SMYD3: variants seen among roughly 807,000 people sequenced by gnomAD.
SMYD3 encodes the protein SET and MYND domain containing 3.
A neutral mutation model predicts 57.7 loss-of-function variants in SMYD3; 36 were observed. The observed-to-expected ratio is 0.62, with a 90% CI of 0.48 to 0.82. The LOEUF (loss-of-function observed/expected upper bound fraction) is 0.82. SMYD3 is among the 40% of genes least tolerant of loss of function. The probability of loss-of-function intolerance (pLI) is 0.00; values close to 1 mark genes in which losing one functional copy is unlikely to be tolerated. For synonymous variants in SMYD3, 211 were observed against 195.0 expected, an observed-to-expected ratio of 1.08 and a Z score of -0.68; for missense variants, 515 against 538.8, an observed-to-expected ratio of 0.96 and a Z score of 0.44.
At chr1:246,134,803 C>A (rs1022116222) in intron 5 of SMYD3, among the ~76,000 whole-genome samples, 1 of 107,882 alleles carries the variant, frequency 9.3e-6, no homozygotes, top group East Asian at 1.9e-4. Flanking sequence ...TTTCTTCCCC[C>A]CCCTGCCGCT....
intron 1 of SMYD3, among the ~76,000 whole-genome samples, chr1:246,450,680 C>T (rs1004185528): frequency 7.2e-5 from 11 of 152,186 alleles, no homozygotes; most frequent in African/African-American, 2.4e-4. Context: ...GAATCCTCCA[C>T]GCTGGCACAA....
At chr1:246,056,062 C>T (rs902703569) in intron 5 of SMYD3, among the ~76,000 whole-genome samples, 6 of 152,014 alleles carry the variant, frequency 3.9e-5, no homozygotes, top group African/African-American at 9.7e-5. Context: ...AAAAAAGTGG[C>T]ACAGAAATAT....
intron 5 of SMYD3, among the ~76,000 whole-genome samples, chr1:245,973,591 C>T (rs535743519): frequency 1.2e-4 from 18 of 152,300 alleles, no homozygotes; most frequent in African/African-American, 3.8e-4. Flanking sequence ...TGAGGCTGCA[C>T]GAGAGAGCAA....
chr1:245,915,516 T>C lies in SMYD3; in HGVS notation c.813+14A>G. On this transcript the variant is annotated intron_variant, in intron 8 of 11. Coordinates refer to ENST00000490107, the MANE Select transcript of SMYD3 (RefSeq NM_001167740.2). ...TGCCGTGGAGGTGTTTCAATCTGGT[T>C]CCATACTACATACCTTGTCCTGGGT... 1 of 1,571,382 alleles carries C rather than the reference T, an allele frequency of 6.4e-7. No individual in the cohort carries two copies. The highest frequency in any genetic ancestry group is 8.8e-7 in the Non-Finnish European group (1 of 1,142,436).
At chr1:246,327,026 T>C (rs1449506689) in intron 5 of SMYD3, 175 bp downstream of exon 5, 1 of 702,826 alleles carries the variant, frequency 1.4e-6, no homozygotes, top group Non-Finnish European at 2.4e-6. Context: ...TTCATACCCT[T>C]CTCAATGCAC....
chr1:246,234,011 G>C (rs1465814183), intron 5 of SMYD3, among the ~76,000 whole-genome samples: 1 of 141,132 alleles, frequency 7.1e-6, no homozygotes, highest in Non-Finnish European at 1.5e-5. Flanking sequence ...ATACCACACA[G>C]AGGAGAAGCA....
intron 1 of SMYD3, among the ~76,000 whole-genome samples, chr1:246,470,656 T>C (rs1054842575): frequency 1.3e-5 from 2 of 151,310 alleles, no homozygotes; most frequent in Admixed American, 1.3e-4. Context: ...TATGTGTATA[T>C]ATACAGTGCA....
intron 10 of SMYD3, among the ~76,000 whole-genome samples, chr1:245,795,381 T>C (rs775291476): frequency 2.0e-5 from 3 of 152,280 alleles, no homozygotes; most frequent in Middle Eastern, 6.8e-3. Flanking sequence ...CGGTTTTCAG[T>C]AGTGAGCCTG....
intron 5 of SMYD3, among the ~76,000 whole-genome samples, chr1:246,285,454 C>A (rs1316232787): frequency 6.6e-6 from 1 of 152,034 alleles, no homozygotes; most frequent in African/African-American, 2.4e-5. Context: ...AGGAGAATAA[C>A]TGGATCCTCA....
intron 1 of SMYD3, among the ~76,000 whole-genome samples, chr1:246,399,861 T>A (rs960288318): frequency 1.3e-5 from 2 of 152,172 alleles, no homozygotes; most frequent in African/African-American, 4.8e-5. Context: ...TTAGCAAACA[T>A]AAAATTCAAG....
chr1:245,889,257 A>T (rs2053250817), intron 8 of SMYD3, among the ~76,000 whole-genome samples: 1 of 152,234 alleles, frequency 6.6e-6, no homozygotes, highest in South Asian at 2.1e-4. Context: ...ACTTTTTGAG[A>T]AAAATAAATA....
At chr1:246,165,600 T>C (rs1284892089) in intron 5 of SMYD3, among the ~76,000 whole-genome samples, 7 of 152,154 alleles carry the variant, frequency 4.6e-5, no homozygotes, top group Non-Finnish European at 1.0e-4. Flanking sequence ...TTCCACCTTA[T>C]AGCCTCAGGC....
intron 8 of SMYD3, among the ~76,000 whole-genome samples, chr1:245,883,496 T>C (rs1219056735): frequency 1.3e-5 from 2 of 152,212 alleles, no homozygotes; most frequent in African/African-American, 4.8e-5. Flanking sequence ...CTCACTTCTT[T>C]CTTAAAAACT....
chr1:245,750,195 T>C (rs963930961), intron 11 of SMYD3, among the ~76,000 whole-genome samples: 1 of 152,208 alleles, frequency 6.6e-6, no homozygotes, highest in African/African-American at 2.4e-5. Flanking sequence ...ATCTTCAAAA[T>C]ATTTCTGAAA....
intron 8 of SMYD3, among the ~76,000 whole-genome samples, chr1:245,876,642 G>A (rs183557779): frequency 2.0e-5 from 3 of 152,314 alleles, no homozygotes; most frequent in South Asian, 2.1e-4. Flanking sequence ...GCACTACGGG[G>A]AATAAATCTC....
At chr1:246,481,621 T>TATATATATATACACACACAC (rs1307881494) in intron 1 of SMYD3, among the ~76,000 whole-genome samples, 3 of 98,560 alleles carry the variant, frequency 3.0e-5, no homozygotes, top group African/African-American at 1.1e-4. Flanking sequence ...CATACATATA[T>TATATATATATACACACACAC]ACATACATAC....
chr1:245,921,075 T>G (rs1234819708), intron 7 of SMYD3, among the ~76,000 whole-genome samples: 2 of 152,250 alleles, frequency 1.3e-5, no homozygotes, highest in East Asian at 3.9e-4. Flanking sequence ...TATAAGGAAC[T>G]TAAGCAATTC....
At chr1:246,051,419 C>G (rs2060065225) in intron 5 of SMYD3, among the ~76,000 whole-genome samples, 1 of 152,062 alleles carries the variant, frequency 6.6e-6, no homozygotes, top group South Asian at 2.1e-4. Flanking sequence ...CCTCACCCAG[C>G]CAATATTAAC....
chr1:245,907,818 T>A (rs913750350), intron 8 of SMYD3, among the ~76,000 whole-genome samples: 1 of 151,988 alleles, frequency 6.6e-6, no homozygotes, highest in African/African-American at 2.4e-5. Context: ...ACAAAAAAAA[T>A]CACTTCAATT....
Sources: allele counts gnomAD v4.1 joint callset (sites outside exome capture counted in the v4.1 genomes callset), GRCh38; gene constraint gnomAD v4.1.1; transcripts MANE v1.5; gene names NCBI Gene and HGNC (gene_info 2026-07-23, HGNC 2026-07-21).